Variants in NLGN1 observed in about 807,000 individuals in gnomAD.
NLGN1 encodes the protein neuroligin-1.
NLGN1 carries 12 observed loss-of-function variants against 65.5 expected under a neutral mutation model. The observed-to-expected ratio is 0.18, with a 90% confidence interval of 0.12 to 0.30. The LOEUF is 0.30. NLGN1 is among the 10% of genes least tolerant of loss of function. The probability of loss-of-function intolerance (pLI) is 1.00; values close to 1 mark genes in which losing one functional copy is unlikely to be tolerated. For missense variants in NLGN1, 750 were observed against 1,007.1 expected, an observed-to-expected ratio of 0.74 and a Z score of 3.46; for synonymous variants, 350 against 359.5, an observed-to-expected ratio of 0.97 and a Z score of 0.30.
intron 3 of NLGN1, among the ~76,000 whole-genome samples, chr3:173,779,881 G>C (rs1002907453): frequency 3.9e-5 from 6 of 152,040 alleles, no homozygotes; most frequent in Non-Finnish European, 7.4e-5. Context: ...CTCATCAACT[G>C]CTATTTTTGC....
intron 2 of NLGN1, among the ~76,000 whole-genome samples, chr3:173,494,968 A>G (rs768862430): frequency 6.6e-6 from 1 of 151,792 alleles, no homozygotes; most frequent in Admixed American, 6.6e-5. Context: ...TTGTTCTTTT[A>G]CTAAATTGCT....
At chr3:174,168,202 C>T (rs1028328982) in intron 4 of NLGN1, among the ~76,000 whole-genome samples, 9 of 151,970 alleles carry the variant, frequency 5.9e-5, no homozygotes, top group African/African-American at 1.9e-4. Context: ...CTTTGAATTC[C>T]TCTGTCATTT....
At chr3:174,248,535 G>T (rs546176611) in intron 4 of NLGN1, among the ~76,000 whole-genome samples, 1 of 152,160 alleles carries the variant, frequency 6.6e-6, no homozygotes, top group Non-Finnish European at 1.5e-5. Context: ...CGAGGCAGGC[G>T]GATCACCTGA....
At chr3:173,651,947 C>T (rs1759252590) in intron 3 of NLGN1, among the ~76,000 whole-genome samples, 2 of 152,074 alleles carry the variant, frequency 1.3e-5, no homozygotes, top group Non-Finnish European at 1.5e-5. Context: ...CACACACCAC[C>T]ATGCCCAGCT....
At chr3:173,831,313 T>C (rs1334380876) in intron 4 of NLGN1, among the ~76,000 whole-genome samples, 1 of 152,164 alleles carries the variant, frequency 6.6e-6, no homozygotes, top group Non-Finnish European at 1.5e-5. Context: ...CAACCACATC[T>C]CTTATCTGCA....
chr3:173,912,700 T>C (rs1171596163), intron 4 of NLGN1: 2 of 152,140 alleles, frequency 1.3e-5, no homozygotes, highest in Non-Finnish European at 2.9e-5. Context: ...TCATTTAAAA[T>C]TTTGATGAAA....
intron 3 of NLGN1, among the ~76,000 whole-genome samples, chr3:173,761,518 A>T (rs1021528183): frequency 6.6e-6 from 1 of 152,068 alleles, no homozygotes; most frequent in African/African-American, 2.4e-5. Flanking sequence ...AGGCGGGTAG[A>T]TTAGCATGAT....
chr3:174,027,611 T>C (rs1175968375), intron 4 of NLGN1, among the ~76,000 whole-genome samples: 2 of 152,160 alleles, frequency 1.3e-5, no homozygotes, highest in Non-Finnish European at 2.9e-5. Flanking sequence ...TGCAACAAGA[T>C]ATATAGTCAC....
At chr3:174,011,810 C>T (rs368051357) in intron 4 of NLGN1, among the ~76,000 whole-genome samples, 9 of 152,178 alleles carry the variant, frequency 5.9e-5, no homozygotes, top group African/African-American at 2.2e-4. Flanking sequence ...CTGGTCTAGG[C>T]GCAAATTACA....
chr3:173,698,981 C>T (rs576839096), intron 3 of NLGN1, among the ~76,000 whole-genome samples: 67 of 152,148 alleles, frequency 4.4e-4, no homozygotes, highest in Admixed American at 2.9e-3. Context: ...CTCAGCCTCC[C>T]GAGTAGCTGG....
intron 3 of NLGN1, among the ~76,000 whole-genome samples, chr3:173,653,547 A>G (rs564588081): frequency 6.6e-6 from 1 of 152,308 alleles, no homozygotes; most frequent in Non-Finnish European, 1.5e-5. Flanking sequence ...ACATTTATTG[A>G]CAAAAATGTT....
chr3:173,895,635 A>G (rs962848873), intron 4 of NLGN1, among the ~76,000 whole-genome samples: 10 of 151,760 alleles, frequency 6.6e-5, no homozygotes, highest in Non-Finnish European at 1.3e-4. Flanking sequence ...AGACAGAATA[A>G]TTTTCCCCAA....
chr3:173,466,154 G>A (rs1724310802), intron 2 of NLGN1, among the ~76,000 whole-genome samples: 1 of 152,124 alleles, frequency 6.6e-6, no homozygotes, highest in African/African-American at 2.4e-5. Flanking sequence ...CATATTCATT[G>A]AGCAATTGTG....
chr3:173,670,727 T>C (rs1420301655), intron 3 of NLGN1, among the ~76,000 whole-genome samples: 1 of 152,196 alleles, frequency 6.6e-6, no homozygotes, highest in Non-Finnish European at 1.5e-5. Flanking sequence ...TGCTAGAGTG[T>C]GTGACCATTG....
At chr3:173,480,970 T>G (rs142530501) in intron 2 of NLGN1, among the ~76,000 whole-genome samples, 1 of 152,066 alleles carries the variant, frequency 6.6e-6, no homozygotes, top group Non-Finnish European at 1.5e-5. Context: ...GTGTCAGGTA[T>G]TCTTCTAAAT....
chr3:174,201,851 C>T (rs962825709), intron 4 of NLGN1, among the ~76,000 whole-genome samples: 6 of 152,120 alleles, frequency 3.9e-5, no homozygotes, highest in Admixed American at 3.9e-4. Context: ...CCATGGTTCT[C>T]CTTTCCCTAA....
intron 4 of NLGN1, among the ~76,000 whole-genome samples, chr3:174,212,522 T>C (rs909438503): frequency 3.3e-5 from 5 of 152,222 alleles, no homozygotes; most frequent in Non-Finnish European, 7.3e-5. Flanking sequence ...ACTGCCAGCA[T>C]GCTGTCACCT....
intron 4 of NLGN1, among the ~76,000 whole-genome samples, chr3:173,973,549 G>GT (rs1560754998): frequency 1.5e-3 from 230 of 151,520 alleles, no homozygotes; most frequent in African/African-American, 5.3e-3. Context: ...AAAATTATGT[G>GT]GTTTTTTTTT....
intron 3 of NLGN1, among the ~76,000 whole-genome samples, chr3:173,756,443 AC>A (rs1302954238): frequency 6.6e-6 from 1 of 151,940 alleles, no homozygotes; most frequent in African/African-American, 2.4e-5. Flanking sequence ...AAAAAATTAA[AC>A]CTTTTCAGGG....
Sources: gnomAD v4.1 joint callset for allele counts (sites outside exome capture counted in the v4.1 genomes callset) on GRCh38, gnomAD v4.1.1 for gene constraint, MANE v1.5 for transcripts, NCBI Gene and HGNC (gene_info 2026-07-23, HGNC 2026-07-21) for gene names.